SCHIP1: variants seen among roughly 807,000 people sequenced by gnomAD.
SCHIP1 encodes schwannomin-interacting protein 1.
In SCHIP1, 8 loss-of-function variants were observed where a neutral mutation model predicts 29.7. The ratio of observed to expected loss-of-function variants is 0.27; its 90% CI spans 0.16 to 0.49. The LOEUF (loss-of-function observed/expected upper bound fraction) is 0.49, where lower values mean the gene tolerates loss of function less well. Ranked by LOEUF, SCHIP1 falls within the 20% of genes least tolerant of loss-of-function variation. The pLI is 0.99. For missense variants in SCHIP1, 193 were observed against 294.6 expected (o/e 0.66, Z 2.52); for synonymous variants, 76 against 94.9 (o/e 0.80, Z 1.16).
At chr3:159,721,158 T>C in the SCHIP1 span, among the ~76,000 whole-genome samples, 1 of 152,148 alleles carries the variant, frequency 6.6e-6, no homozygotes, top group Non-Finnish European at 1.5e-5. Flanking sequence ...GAAGACATGA[T>C]TGCATATATA....
chr3:159,360,747 T>C, the SCHIP1 span, among the ~76,000 whole-genome samples: 3 of 152,182 alleles, frequency 2.0e-5, no homozygotes, highest in African/African-American at 7.2e-5. Context: ...AATTAGGCCT[T>C]TCTTAAGGGC....
At chr3:159,350,540 T>G in the SCHIP1 span, among the ~76,000 whole-genome samples, 1 of 152,096 alleles carries the variant, frequency 6.6e-6, no homozygotes, top group African/African-American at 2.4e-5. Flanking sequence ...GGAATTGGAG[T>G]AAACTGGTCT....
the SCHIP1 span, among the ~76,000 whole-genome samples, chr3:159,508,397 T>C: frequency 6.6e-6 from 1 of 152,232 alleles, no homozygotes; most frequent in African/African-American, 2.4e-5. Context: ...ATAAATTTTG[T>C]TGATCTTTTC....
At chr3:159,711,212 T>TGTTTTCCACCAAGCTTCGGG in the SCHIP1 span, among the ~76,000 whole-genome samples, 9 of 81,796 alleles carry the variant, frequency 1.1e-4, no homozygotes, top group African/African-American at 9.3e-4. Context: ...ATTTAAAAAA[T>TGTTTTCCACCAAGCTTCGGG]TAGCCGGGCG....
At chr3:159,625,728 A>T in the SCHIP1 span, among the ~76,000 whole-genome samples, 1 of 151,804 alleles carries the variant, frequency 6.6e-6, no homozygotes, top group Admixed American at 6.6e-5. Flanking sequence ...AGCTTCTCCA[A>T]AGCCTTTCTC....
chr3:159,384,752 G>A, the SCHIP1 span, among the ~76,000 whole-genome samples: 1 of 151,794 alleles, frequency 6.6e-6, no homozygotes, highest in South Asian at 2.1e-4. Context: ...ACTCTTTTTG[G>A]TTGGTAAGCT....
At chr3:159,770,555 G>T in the SCHIP1 span, among the ~76,000 whole-genome samples, 1 of 152,232 alleles carries the variant, frequency 6.6e-6, no homozygotes, top group East Asian at 1.9e-4. Context: ...CACTGTGCCG[G>T]GCCTGAATAT....
chr3:159,711,436 T>TAGGTATTAG, the SCHIP1 span, among the ~76,000 whole-genome samples: 1 of 129,282 alleles, frequency 7.7e-6, no homozygotes, highest in Admixed American at 8.2e-5. Flanking sequence ...AAGCTTCGGG[T>TAGGTATTAG]AGGTATTAGT....
the SCHIP1 span, among the ~76,000 whole-genome samples, chr3:159,771,690 TTG>T: frequency 2.6e-5 from 2 of 77,350 alleles, no homozygotes; most frequent in South Asian, 5.8e-4. Flanking sequence ...TTTGTCTTTG[TTG>T]TTTTTTTTTT....
the SCHIP1 span, among the ~76,000 whole-genome samples, chr3:159,397,606 G>T: frequency 1.3e-5 from 2 of 152,170 alleles, no homozygotes; most frequent in African/African-American, 4.8e-5. Context: ...TTCCCCTGCT[G>T]GGGGGTGCCT....
At chr3:159,649,345 T>C in the SCHIP1 span, among the ~76,000 whole-genome samples, 1 of 152,140 alleles carries the variant, frequency 6.6e-6, no homozygotes, top group Non-Finnish European at 1.5e-5. Context: ...AGGAGATAAA[T>C]GCAAACCATC....
At chr3:159,557,026 C>T in the SCHIP1 span, among the ~76,000 whole-genome samples, 2 of 151,340 alleles carry the variant, frequency 1.3e-5, no homozygotes, top group South Asian at 2.1e-4. Flanking sequence ...GGCACGATCT[C>T]GGCTCACCAC....
chr3:159,544,870 C>A, the SCHIP1 span, among the ~76,000 whole-genome samples: 2 of 152,024 alleles, frequency 1.3e-5, no homozygotes, highest in Non-Finnish European at 2.9e-5. Flanking sequence ...ATGCTTCTAT[C>A]TTTTCATATA....
At chr3:159,733,809 G>C in the SCHIP1 span, among the ~76,000 whole-genome samples, 967 of 152,236 alleles carry the variant, frequency 6.4e-3, 12 homozygotes, top group African/African-American at 0.022. Context: ...CTTCTCCTCC[G>C]ACTTCTGATG....
At chr3:159,886,031 A>T (rs1047474266) in intron 2 of SCHIP1, among the ~76,000 whole-genome samples, 176 bp from the exon 4 acceptor site, 11 of 152,264 alleles carry the variant, frequency 7.2e-5, no homozygotes, top group Non-Finnish European at 2.9e-5. Context: ...CTCACAGAAC[A>T]TTGGAAAATC....
the SCHIP1 span, among the ~76,000 whole-genome samples, chr3:159,431,310 T>C: frequency 6.7e-6 from 1 of 149,794 alleles, no homozygotes; most frequent in Non-Finnish European, 1.5e-5. Flanking sequence ...GGTGGGGGAG[T>C]GCTCAAATGG....
chr3:159,550,370 TG>T, the SCHIP1 span, among the ~76,000 whole-genome samples: 163 of 152,222 alleles, frequency 1.1e-3, no homozygotes, highest in African/African-American at 3.8e-3. Context: ...CTTTTAGTTC[TG>T]ATTTTTTGCT....
chr3:159,455,296 T>C, the SCHIP1 span, among the ~76,000 whole-genome samples: 1 of 152,180 alleles, frequency 6.6e-6, no homozygotes, highest in Non-Finnish European at 1.5e-5. Context: ...AGGTGAATGT[T>C]AGGCCAGAAG....
At chr3:159,505,954 G>C in the SCHIP1 span, among the ~76,000 whole-genome samples, 1 of 152,220 alleles carries the variant, frequency 6.6e-6, no homozygotes, top group Non-Finnish European at 1.5e-5. Flanking sequence ...CTTTATAGCA[G>C]TATGATTTAT....
Sources: allele counts gnomAD v4.1 joint callset (sites outside exome capture counted in the v4.1 genomes callset), GRCh38; gene constraint gnomAD v4.1.1; transcripts MANE v1.5; gene names NCBI Gene and HGNC (gene_info 2026-07-23, HGNC 2026-07-21).